Variants in SET observed in about 807,000 individuals in gnomAD.
SET encodes SET nuclear proto-oncogene.
SET carries 4 observed loss-of-function variants against 39.0 expected under a neutral mutation model. That is an observed-to-expected ratio of 0.10 (90% confidence interval 0.05 to 0.23). SET has a LOEUF of 0.23. SET is among the 10% of genes least tolerant of loss of function. SET has a pLI of 1.00. For synonymous variants in SET, 114 were observed against 115.9 expected (o/e 0.98, Z 0.11); for missense variants, 137 against 329.7 (o/e 0.42, Z 4.53).
chr9:128,694,170 TTTG>T (rs1264280608), intron 7 of SET, 128 bp downstream of exon 7: 21 of 887,814 alleles, frequency 2.4e-5, no homozygotes, highest in African/African-American at 2.0e-4. Flanking sequence ...AGTAAGCCAT[TTTG>T]TTGTTCAAGA....
intron 4 of SET, 37 bp from the exon 5 acceptor site, chr9:128,692,831 C>T (rs1297983886): frequency 1.3e-6 from 2 of 1,507,256 alleles, no homozygotes; most frequent in African/African-American, 2.8e-5. Flanking sequence ...GTTGGAAGAC[C>T]TGTTCATATT....
At chr9:128,683,689 A>T (rs983622496) in exon 1 of SET, 5 of 495,416 alleles carry the variant, frequency 1.0e-5, no homozygotes, top group Non-Finnish European at 1.8e-5. Context: ...AGCAACTAAA[A>T]GAAATTTCTC....
At chr9:128,688,337 C>T (rs959402402), upstream of SET, among the ~76,000 whole-genome samples, 8 of 152,172 alleles carry the variant, frequency 5.3e-5, no homozygotes, top group African/African-American at 1.2e-4. Flanking sequence ...AAACAAAATG[C>T]TTTGGCCCTC....
chr9:128,692,410 A>AC (rs1554776618), intron 3 of SET: 1 of 257,512 alleles, frequency 3.9e-6, no homozygotes, highest in Non-Finnish European at 7.5e-6. Context: ...AAAAAAAAAA[A>AC]AAAAAAAAAA....
At position 128,693,907 on chromosome 9, in the gene SET, G is replaced by A. The variant is rs543586795; in HGVS notation, c.675G>A (p.Met225Ile). The A allele has an allele frequency of 2.5e-6, 4 of 1,598,346 alleles. No individual in the cohort carries two copies. The South Asian group carries it at 4.5e-5, about 18-fold the overall frequency. ...TTTTTTTTTTTAAGGTTCCCGATAT[G>A]GATGATGAAGAAGGAGAAGGAGAAG... ...NPLQYYLVPD[M>I]DDEEGEGEED... Residue 225 changes from methionine (M) to isoleucine (I), a missense_variant, in exon 7 of 8, where the codon ATG becomes ATA. Physicochemically the swap from Met to Ile is conservative, Grantham distance 10. Around this residue, in one of 3 missense-constraint regions of SET, gnomAD observed 44 missense variants for 63.0 expected, o/e 0.70. Transcript: ENST00000322030.
In SET at chr9:128,694,680, ATTCCAACC is replaced by A. The variant is rs770664474; in HGVS notation, c.*21_*28del. On this transcript the variant is annotated 3_prime_UTR_variant, in exon 8 of 8. Coordinates refer to ENST00000322030, the MANE Select transcript of SET (RefSeq NM_003011.4). ...AGATGACTAAATAGAACACTGATGG[ATTCCAACC>A]TTCCTTTTTTTAAATTTTCTCCAGT... is the stretch of plus-strand genomic sequence containing the variant. 51 of 1,439,036 alleles carry A rather than the reference ATTCCAACC, an allele frequency of 3.5e-5. No individual in the cohort carries two copies. Among genetic ancestry groups the A allele is most frequent in the Non-Finnish European group, 4.5e-5 (48 of 1,067,194 alleles). The allele number at this position is 1,439,036 out of a possible 1,614,324, so 89.1% of individuals were successfully genotyped here.
At chr9:128,693,576 A>G in intron 5 of SET, 62 bp from the exon 6 acceptor site, 2 of 1,469,214 alleles carry the variant, frequency 1.4e-6, no homozygotes, top group East Asian at 2.5e-5. Context: ...TATTTTTTAA[A>G]TTATAGGGAG....
upstream of SET, chr9:128,685,154 C>G (rs1248753467): frequency 1.3e-6 from 2 of 1,585,042 alleles, no homozygotes; most frequent in Non-Finnish European, 1.7e-6. Context: ...GGGTCTCAGT[C>G]CCTTTTCCTC....
chr9:128,691,810 A>T, intron 2 of SET, 48 bp from the exon 3 acceptor site: 2 of 1,547,698 alleles, frequency 1.3e-6, no homozygotes, highest in Admixed American at 2.0e-5. Flanking sequence ...CCAATTTTTT[A>T]ATTTGTTAAA....
exon 1 of SET, chr9:128,683,915 C>T: frequency 6.4e-7 from 1 of 1,553,094 alleles, no homozygotes; most frequent in South Asian, 1.2e-5. Context: ...AAACGCCAGT[C>T]TCCACTCCCG....
rs1205953254 is a variant in SET, at chr9:128,691,984, T to C, written c.258T>C (p.Phe86=). ...TCCCAAATTTTTGGGTAACAACATTTGTCAACCATCCACAAGGTATGTTTT... is the reference window on the plus strand; with the variant it reads ...TCCCAAATTTTTGGGTAACAACATTCGTCAACCATCCACAAGGTATGTTTT... ...AKIPNFWVTT[F]VNHPQVSALL... Residue 86 remains phenylalanine (F), a synonymous_variant, in exon 3 of 8, where the codon TTT becomes TTC. Coordinates refer to ENST00000322030, the MANE Select transcript of SET (RefSeq NM_003011.4). The C allele has an allele frequency of 6.2e-7, 1 of 1,613,978 alleles. No individual in the cohort carries two copies. Among genetic ancestry groups the C allele is most frequent in the East Asian group, 2.2e-5 (1 of 44,890 alleles).
intron 1 of SET, chr9:128,690,069 C>T (rs1861465680): frequency 3.8e-6 from 3 of 794,228 alleles, no homozygotes; most frequent in Admixed American, 1.3e-4. Context: ...CCGCGCGGTT[C>T]CGCTTCGCGC....
At chr9:128,684,876 C>T (rs928751636), upstream of SET, among the ~76,000 whole-genome samples, 1 of 152,202 alleles carries the variant, frequency 6.6e-6, no homozygotes, top group Non-Finnish European at 1.5e-5. Context: ...AGTTTCATGC[C>T]TGCCCTTCCC....
intron 4 of SET, 30 bp downstream of exon 4, chr9:128,692,795 C>T: frequency 6.5e-7 from 1 of 1,542,680 alleles, no homozygotes; most frequent in South Asian, 1.1e-5. Context: ...TCTTGTTTGC[C>T]ACTGTGGAAA....
At chr9:128,688,302 C>A (rs1468458707), upstream of SET, among the ~76,000 whole-genome samples, 1 of 152,214 alleles carries the variant, frequency 6.6e-6, no homozygotes, top group African/African-American at 2.4e-5. Flanking sequence ...TGTGGGGCAT[C>A]CGCATTACTT....
At chr9:128,690,019 G>A in intron 1 of SET, 1 of 1,029,084 alleles carries the variant, frequency 9.7e-7, no homozygotes. Flanking sequence ...CGCCGCCGCC[G>A]CCACATGGTG....
At position 128,694,859 on chromosome 9, in the gene SET, A is replaced by G. The variant is rs867179125; in HGVS notation, c.*195A>G. On this transcript the variant is annotated 3_prime_UTR_variant, in exon 8 of 8. Coordinates refer to ENST00000322030, the MANE Select transcript of SET (RefSeq NM_003011.4). Reference sequence around the variant, plus strand: ...ATACCTTGAGCAGAATACAATGGGAAAAGAGTCTCTACCCCTTTCTGTTCG... The same window carrying G: ...ATACCTTGAGCAGAATACAATGGGAGAAGAGTCTCTACCCCTTTCTGTTCG... 2.4e-6 allele frequency: 1 copy of G among 420,856 alleles called. No individual in the cohort carries two copies. The highest frequency in any genetic ancestry group is 4.0e-6 in the Non-Finnish European group (1 of 247,966). 26.1% of individuals were successfully genotyped at this position (420,856 alleles called of 1,614,324 possible).
intron 1 of SET, 106 bp from the exon 2 acceptor site, chr9:128,691,064 G>T (rs962648897): frequency 3.6e-6 from 3 of 841,852 alleles, no homozygotes; most frequent in African/African-American, 1.7e-5. Flanking sequence ...CTTTGTACTA[G>T]GCGTTTTTGT....
Position 128,696,102 on chromosome 9 carries a change from G to A in SET, c.*1438G>A, listed in dbSNP as rs903791199. 3 of 222,026 alleles carry A rather than the reference G, an allele frequency of 1.4e-5. No individual in the cohort carries two copies. The allele number at this position is 222,026 out of a possible 1,614,324, so 13.8% of individuals were successfully genotyped here. A position where few individuals can be genotyped will look rare whatever the true frequency, so the allele number is the denominator to read the frequency against. On this transcript the variant is annotated 3_prime_UTR_variant, in exon 8 of 8. Coordinates refer to ENST00000322030, the MANE Select transcript of SET (RefSeq NM_003011.4). The stretch of plus-strand genomic sequence containing the variant: ...ATGGACTCAGCTCTGTCTGCTCAAT[G>A]CCATTGTGCAGAGAAGCACCCTAAT...
Sources: allele counts gnomAD v4.1 joint callset (sites outside exome capture counted in the v4.1 genomes callset), GRCh38; gene constraint gnomAD v4.1.1; regional missense constraint gnomAD v4.1.1; transcripts MANE v1.5; gene names NCBI Gene and HGNC (gene_info 2026-07-23, HGNC 2026-07-21).